The following ACSL5 variants were observed in gnomAD, a reference collection of about 807,000 sequenced individuals.
ACSL5 encodes long-chain-fatty-acid--CoA ligase 5.
In ACSL5, 50 loss-of-function variants were observed where a neutral mutation model predicts 84.9. That is an observed-to-expected ratio of 0.59 (90% CI 0.47 to 0.75). ACSL5 has a LOEUF of 0.75. Among genes scored for constraint, ACSL5 ranks in the 30% least tolerant of loss-of-function variants. The probability of loss-of-function intolerance (pLI) is 0.00; values close to 1 mark genes in which losing one functional copy is unlikely to be tolerated. For synonymous variants in ACSL5, 280 were observed against 300.7 expected (o/e 0.93, Z 0.71); for missense variants, 775 against 830.4 (o/e 0.93, Z 0.82).
chr10:112,421,925 A>G (rs2255740), intron 15 of ACSL5, 22 bp from the exon 16 acceptor site: 1,469,696 of 1,610,924 alleles, frequency 0.91, 671,514 homozygotes, highest in East Asian at 0.99. Flanking sequence ...TTTCTCAGCT[A>G]ATTCAGCACG....
intron 3 of ACSL5, 79 bp from the exon 4 acceptor site, chr10:112,404,432 C>A: frequency 9.1e-7 from 1 of 1,100,336 alleles, no homozygotes; most frequent in East Asian, 2.5e-5. Flanking sequence ...TGTCTTGCCC[C>A]TTCTTAATCT....
chr10:112,404,007 A>C (rs943096131), intron 3 of ACSL5, among the ~76,000 whole-genome samples: 2 of 152,254 alleles, frequency 1.3e-5, no homozygotes, highest in African/African-American at 4.8e-5. Flanking sequence ...GGGAATGAAC[A>C]TAACTGTCAA....
In ACSL5 at chr10:112,412,142, C is replaced by T. The variant is rs75642416; in HGVS notation, c.948+163C>T. Among the ~76,000 whole-genome samples, 1,343 of 152,314 alleles carry T rather than the reference C, an allele frequency of 8.8e-3. 13 individuals carry two copies. The highest frequency in any genetic ancestry group is 0.03 in the African/African-American group (1,258 of 41,568). ...GAGCCCTAATCATGGCATGGCCCCTCATTTCCTGCAGAGTCTTCCTCTGCT... is the reference window on the plus strand; with the variant it reads ...GAGCCCTAATCATGGCATGGCCCCTTATTTCCTGCAGAGTCTTCCTCTGCT... On this transcript the variant is annotated intron_variant, in intron 11 of 20. Transcript: ENST00000354655.
chr10:112,427,401 G>C lies in ACSL5; in HGVS notation c.*43G>C. ...CCTGCCGGCCCACTGTGCACTGCTT[G>C]TGAGAAAATGGATTAAAAACTATTC... On this transcript the variant is annotated 3_prime_UTR_variant, in exon 21 of 21. Transcript: ENST00000354655. 6.6e-7 allele frequency: 1 copy of C among 1,517,380 alleles called. No homozygotes were observed. Among genetic ancestry groups the C allele is most frequent in the Non-Finnish European group, 8.8e-7 (1 of 1,130,212 alleles). 94.0% of individuals were successfully genotyped at this position (1,517,380 alleles called of 1,614,324 possible). A position where few individuals can be genotyped will look rare whatever the true frequency, so the allele number is the denominator to read the frequency against.
intron 1 of ACSL5, among the ~76,000 whole-genome samples, chr10:112,384,453 A>G (rs1405171056): frequency 6.6e-6 from 1 of 152,172 alleles, no homozygotes. Context: ...CAAGAAATCC[A>G]GTCATGATTT....
intron 1 of ACSL5, among the ~76,000 whole-genome samples, chr10:112,378,908 C>T (rs1849295331): frequency 7.9e-6 from 1 of 127,152 alleles, no homozygotes; most frequent in Non-Finnish European, 1.9e-5. Flanking sequence ...GAAGGTCAGA[C>T]AGCCCGTGCA....
chr10:112,426,560 G>C (rs745839225), intron 19 of ACSL5: 1 of 619,928 alleles, frequency 1.6e-6, no homozygotes, highest in Admixed American at 3.0e-5. Context: ...TGTGGGAAAA[G>C]ATTGGGAAAG....
chr10:112,415,743 C>A (rs889732308), intron 12 of ACSL5, among the ~76,000 whole-genome samples: 2 of 152,200 alleles, frequency 1.3e-5, no homozygotes, highest in African/African-American at 2.4e-5. Flanking sequence ...GGGTTATAAA[C>A]ATGGAAGATG....
chr10:112,378,800 A>G (rs906498681), intron 1 of ACSL5, among the ~76,000 whole-genome samples: 2 of 152,186 alleles, frequency 1.3e-5, no homozygotes, highest in East Asian at 3.9e-4. Flanking sequence ...GAGGTCGGAA[A>G]GGGACTCTCT....
chr10:112,395,220 T>A, intron 2 of ACSL5, 118 bp downstream of exon 2: 1 of 1,009,716 alleles, frequency 9.9e-7, no homozygotes, highest in South Asian at 1.7e-5. Context: ...AAAGCTTTCA[T>A]GTTACCAATC....
intron 3 of ACSL5, among the ~76,000 whole-genome samples, chr10:112,401,012 G>T (rs573120335): frequency 6.6e-6 from 1 of 152,032 alleles, no homozygotes; most frequent in South Asian, 2.1e-4. Context: ...CGTTGAAATA[G>T]CTTCTCATGG....
Position 112,404,688 on chromosome 10 carries a change from A to C in ACSL5, c.331-17A>C. The C allele has an allele frequency of 1.2e-6, 2 of 1,610,070 alleles. No individual in the cohort carries two copies. Among genetic ancestry groups the C allele is most frequent in the South Asian group, 1.1e-5 (1 of 90,892 alleles). ...ACCTCTTCTCTCTCTCTCTCACCCCATCTCTCTTTTTTGTAGGTGTCTGAT... is the reference window on the plus strand; with the variant it reads ...ACCTCTTCTCTCTCTCTCTCACCCCCTCTCTCTTTTTTGTAGGTGTCTGAT... On this transcript the variant is annotated splice_polypyrimidine_tract_variant and intron_variant, in intron 4 of 20. Coordinates refer to ENST00000354655, the MANE Select transcript of ACSL5 (RefSeq NM_203379.2).
At chr10:112,421,540 C>T in intron 14 of ACSL5, 53 bp from the exon 15 acceptor site, 3 of 1,533,774 alleles carry the variant, frequency 2.0e-6, no homozygotes, top group South Asian at 1.1e-5. Context: ...TAGCACGTGG[C>T]CAGCTCACAC....
chr10:112,379,120 G>A (rs551732190), intron 1 of ACSL5, among the ~76,000 whole-genome samples: 1 of 152,058 alleles, frequency 6.6e-6, no homozygotes, highest in Non-Finnish European at 1.5e-5. Flanking sequence ...ATGAGGGCTT[G>A]TTGGCCGGGC....
intron 2 of ACSL5, among the ~76,000 whole-genome samples, chr10:112,396,758 G>C (rs1564734628): frequency 6.6e-6 from 1 of 151,792 alleles, no homozygotes. Flanking sequence ...TTACCCAGTT[G>C]CCAAAGTTAA....
chr10:112,423,225 T>A lies in ACSL5; in HGVS notation c.1593+784T>A, dbSNP rs867812751. Among the ~76,000 whole-genome samples, 44 of 67,716 alleles carry A rather than the reference T, an allele frequency of 6.5e-4. 2 individuals carry two copies. Among genetic ancestry groups the A allele is most frequent in the Non-Finnish European group, 1.1e-3 (37 of 32,294 alleles). The allele number at this position is 67,716 out of a possible 152,430, so 44.4% of individuals were successfully genotyped here. Reference sequence around the variant, plus strand: ...AAAAAAAAAAAAAAAAAAAAAAATATATATATATATATATATATAGGCTGG... The same window carrying A: ...AAAAAAAAAAAAAAAAAAAAAAATAAATATATATATATATATATAGGCTGG... On this transcript the variant is annotated intron_variant, in intron 17 of 20. Transcript: ENST00000354655.
At chr10:112,404,388 T>G (rs11195949) in intron 3 of ACSL5, 123 bp from the exon 4 acceptor site, 351,517 of 696,934 alleles carry the variant, frequency 0.5, 90,246 homozygotes, top group Admixed American at 0.61. Context: ...GGACATATAA[T>G]AGAAGCTCAA....
chr10:112,408,377 C>T (rs1306345606), intron 5 of ACSL5, 45 bp from the exon 6 acceptor site: 1 of 1,223,420 alleles, frequency 8.2e-7, no homozygotes, highest in South Asian at 1.2e-5. Flanking sequence ...AACTGGTACT[C>T]TTCAGTGTGC....
At chr10:112,400,895 G>A (rs1843869860) in intron 3 of ACSL5, among the ~76,000 whole-genome samples, 1 of 152,120 alleles carries the variant, frequency 6.6e-6, no homozygotes, top group African/African-American at 2.4e-5. Flanking sequence ...TCTTTATTGA[G>A]GATGTGTTGT....
Sources: gnomAD v4.1 joint callset for allele counts (sites outside exome capture counted in the v4.1 genomes callset) on GRCh38, gnomAD v4.1.1 for gene constraint, MANE v1.5 for transcripts, NCBI Gene and HGNC (gene_info 2026-07-23, HGNC 2026-07-21) for gene names.